MYO7A: variants seen among roughly 807,000 people sequenced by gnomAD.
The protein encoded by MYO7A is unconventional myosin-VIIa.
A neutral mutation model predicts 263.8 loss-of-function variants in MYO7A; 210 were observed. The ratio of observed to expected loss-of-function variants is 0.80; its 90% CI spans 0.71 to 0.89. The LOEUF (loss-of-function observed/expected upper bound fraction) is 0.89. Ranked by LOEUF, MYO7A falls within the 40% of genes least tolerant of loss-of-function variation. MYO7A has a pLI of 0.00. For missense variants in MYO7A, 2,820 were observed against 2,968.3 expected (o/e 0.95, Z 1.16); for synonymous variants, 1,239 against 1,197.3 (o/e 1.03, Z -0.72).
intron 26 of MYO7A, among the ~76,000 whole-genome samples, chr11:77,183,565 T>A (rs1955431488): frequency 6.6e-6 from 1 of 152,238 alleles, no homozygotes; most frequent in South Asian, 2.1e-4. Flanking sequence ...GAATTCATTC[T>A]TCAGTCACTT....
chr11:77,199,395 C>T (rs530177248), intron 34 of MYO7A, 140 bp from the exon 35 acceptor site: 83 of 829,476 alleles, frequency 1.0e-4, no homozygotes, highest in Non-Finnish European at 1.4e-4. Context: ...AGAAGTAGGC[C>T]GGGCCACTGT....
At position 77,205,517 on chromosome 11, in the gene MYO7A, C is replaced by T; in HGVS notation, c.5536C>T (p.Pro1846Ser). 1 of 1,603,600 alleles carries T rather than the reference C, an allele frequency of 6.2e-7. No individual in the cohort carries two copies. The highest frequency in any genetic ancestry group is 8.5e-7 in the Non-Finnish European group (1 of 1,175,794). ...CTGGCTGTGCACGGGCCTTTTCCCA[C>T]CCAGCAACATCCTCCTGCCCCACGT... ...LLWLCTGLFP[P>S]SNILLPHVQR... Residue 1846 changes from proline to serine, a missense_variant, in exon 40 of 49, where the codon CCC (proline) becomes TCC (serine). Pro to Ser is a moderately conservative substitution (Grantham distance 74, BLOSUM62 -1). Transcript: ENST00000409709.
intron 41 of MYO7A, 41 bp from the exon 42 acceptor site, chr11:77,207,248 G>GA (rs748802490): frequency 6.8e-7 from 1 of 1,469,116 alleles, no homozygotes; most frequent in South Asian, 1.2e-5. Context: ...CAGGTCCCGG[G>GA]AAAGGCCCTG....
At chr11:77,208,672 G>T (rs1957635296) in intron 43 of MYO7A, 25 bp from the exon 44 acceptor site, 3 of 1,545,932 alleles carry the variant, frequency 1.9e-6, no homozygotes, top group Non-Finnish European at 2.6e-6. Context: ...GGACCCTCTG[G>T]GTGACCGACT....
At chr11:77,208,151 G>C (rs1957588366) in intron 42 of MYO7A, among the ~76,000 whole-genome samples, 1 of 152,172 alleles carries the variant, frequency 6.6e-6, no homozygotes, top group South Asian at 2.1e-4. Context: ...TCCAAGCCAG[G>C]GGCTGGGCCG....
At chr11:77,141,830 C>T (rs1555050765) in intron 2 of MYO7A, among the ~76,000 whole-genome samples, 3 of 152,294 alleles carry the variant, frequency 2.0e-5, no homozygotes, top group East Asian at 1.9e-4. Context: ...CTGTCATTCT[C>T]CACCATTGGC....
At chr11:77,205,987 G>C in intron 40 of MYO7A, 110 bp from the exon 41 acceptor site, 1 of 840,004 alleles carries the variant, frequency 1.2e-6, no homozygotes, top group African/African-American at 1.7e-5. Context: ...CACATCATAG[G>C]AAGTGGCAGG....
chr11:77,207,964 C>T (rs924566539), intron 42 of MYO7A, among the ~76,000 whole-genome samples: 4 of 152,288 alleles, frequency 2.6e-5, no homozygotes, highest in African/African-American at 9.6e-5. Context: ...CCTCCCTGAC[C>T]GAGTTGGGTG....
chr11:77,174,689 A>G (rs1954457978), intron 16 of MYO7A, 67 bp from the exon 17 acceptor site: 2 of 1,502,360 alleles, frequency 1.3e-6, no homozygotes, highest in African/African-American at 1.4e-5. Flanking sequence ...GGGTTGGTCA[A>G]GTGCACAGCA....
In MYO7A at chr11:77,204,168, G is replaced by A. The variant is rs760021012; in HGVS notation, c.5419G>A (p.Glu1807Lys). 3.8e-5 allele frequency: 61 copies of A among 1,591,124 alleles called. No homozygotes were observed. The highest frequency in any genetic ancestry group is 1.6e-4 in the Middle Eastern group (1 of 6,062). ...DQIFEGPLKA[E>K]PLKDEAYVQI... ...GATCTTTGAGGGTCCCCTGAAAGCC[G>A]AGCCCCTGAAGGACGAGGCATATGT... Residue 1807 changes from glutamate (E) to lysine (K), a missense_variant, in exon 39 of 49, where the codon GAG becomes AAG. Glu to Lys is a moderately conservative substitution (Grantham distance 56). Transcript: ENST00000409709.
intron 26 of MYO7A, among the ~76,000 whole-genome samples, chr11:77,184,103 A>T (rs956684193): frequency 1.3e-5 from 2 of 152,020 alleles, no homozygotes; most frequent in Non-Finnish European, 2.9e-5. Flanking sequence ...GGGATGAGAG[A>T]GGAGAAACAT....
At position 77,201,452 on chromosome 11, in the gene MYO7A, C is replaced by T. The variant is rs749483109; in HGVS notation, c.4857C>T (p.Gly1619=). Reference sequence around the variant, plus strand: ...CCACTCACCTCTGCTCTACAGCAGGCGAGGAGTCAGGCTTCCTCAGCTTTG... The same window carrying T: ...CCACTCACCTCTGCTCTACAGCAGGTGAGGAGTCAGGCTTCCTCAGCTTTG... The part of the protein sequence containing the change: ...VALQDNPNPA[G]EESGFLSFAK... Residue 1619 remains glycine, a synonymous_variant, in exon 36 of 49, where the codon GGC becomes GGT. Transcript: ENST00000409709. 2.9e-5 allele frequency: 46 copies of T among 1,613,198 alleles called. No homozygotes were observed. Among genetic ancestry groups the T allele is most frequent in the Middle Eastern group, 3.3e-4 (2 of 6,082 alleles).
intron 17 of MYO7A, 122 bp downstream of exon 17, chr11:77,175,036 G>C (rs1954510296): frequency 1.5e-6 from 2 of 1,292,236 alleles, no homozygotes; most frequent in Non-Finnish European, 2.1e-6. Flanking sequence ...CTCAGGTGCA[G>C]CACGGAAAAT....
intron 15 of MYO7A, among the ~76,000 whole-genome samples, chr11:77,166,823 C>A (rs1380721308): frequency 6.6e-6 from 1 of 152,226 alleles, no homozygotes; most frequent in Non-Finnish European, 1.5e-5. Flanking sequence ...GGACCCCAGA[C>A]CTCTCCCTGA....
intron 4 of MYO7A, 146 bp downstream of exon 4, chr11:77,148,096 GGGCCCCTGCTGGGGCCCA>G: frequency 1.3e-6 from 1 of 765,768 alleles, no homozygotes; most frequent in South Asian, 2.1e-5. Context: ...CTGGACCCCG[GGGCCCCTGCTGGGGCCCA>G]TCTGCCGGCA....
intron 15 of MYO7A, among the ~76,000 whole-genome samples, chr11:77,172,347 A>G (rs1555076573): frequency 6.6e-6 from 1 of 152,188 alleles, no homozygotes; most frequent in Non-Finnish European, 1.5e-5. Context: ...GTCTCTAGAG[A>G]TGACCTCAGT....
At chr11:77,177,668 C>T (rs1178820580) in intron 19 of MYO7A, 25 bp downstream of exon 19, 3 of 1,567,826 alleles carry the variant, frequency 1.9e-6, no homozygotes, top group African/African-American at 2.7e-5. Context: ...CAGCTCCTCC[C>T]CTCCTCAGCC....
rs770376458 is a variant in MYO7A, at chr11:77,201,584, C to T, written c.4989C>T (p.Pro1663=). ...NERTKQRGDF[P]TDSVYVMPTV... ...GGACCAAGCAGCGTGGGGACTTCCC[C>T]ACCGACAGTGTGTACGTCATGCCCA... The change falls in exon 36 of 49, where the codon CCC becomes CCT. Residue 1663 remains proline (P), a synonymous_variant. Transcript: ENST00000409709. 2.5e-6 allele frequency: 4 copies of T among 1,613,898 alleles called. No homozygotes were observed. In the Admixed American group the frequency reaches 5.0e-5, roughly 20 times the overall value.
At chr11:77,128,625 G>A (rs56203702) in intron 1 of MYO7A, 136 bp downstream of exon 1, 3,251 of 152,660 alleles carry the variant, frequency 0.021, 61 homozygotes, top group Admixed American at 0.039. Context: ...ACCCTTGAGG[G>A]CTCAGCCACC....
Sources: gnomAD v4.1 joint callset for allele counts (sites outside exome capture counted in the v4.1 genomes callset) on GRCh38, gnomAD v4.1.1 for gene constraint, MANE v1.5 for transcripts, NCBI Gene and HGNC (gene_info 2026-07-23, HGNC 2026-07-21) for gene names.